PRKN: variants seen among roughly 807,000 people sequenced by gnomAD.
The protein encoded by PRKN is parkin RBR E3 ubiquitin protein ligase.
Under a neutral mutation model 59.5 loss-of-function variants are expected in PRKN, and 56 were observed. The observed-to-expected ratio is 0.94, with a 90% confidence interval of 0.76 to 1.18. The LOEUF is 1.18. PRKN is among the 50% of genes most tolerant of loss of function. The pLI, the probability that PRKN is intolerant of heterozygous loss-of-function variation, is 0.00. For synonymous variants in PRKN, 250 were observed against 222.1 expected (o/e 1.13, Z -1.12); for missense variants, 657 against 596.4 (o/e 1.10, Z -1.06).
intron 2 of PRKN, among the ~76,000 whole-genome samples, chr6:162,339,191 G>A (rs1437170551): frequency 6.7e-6 from 1 of 149,722 alleles, no homozygotes; most frequent in Non-Finnish European, 1.5e-5. Flanking sequence ...ACCCCATCTG[G>A]GAAGTGAGGA....
At chr6:161,668,230 TAA>T (rs1329462200) in intron 7 of PRKN, among the ~76,000 whole-genome samples, 1 of 114,460 alleles carries the variant, frequency 8.7e-6, no homozygotes. Flanking sequence ...AAACTCCCAT[TAA>T]AAAAAAAAAG....
intron 4 of PRKN, among the ~76,000 whole-genome samples, chr6:162,065,341 T>G (rs911902255): frequency 1.3e-5 from 2 of 152,012 alleles, no homozygotes; most frequent in African/African-American, 4.8e-5. Flanking sequence ...AATGAAAACA[T>G]CCAGCATGAA....
At position 161,499,123 on chromosome 6, in the gene PRKN, C is replaced by CAA. The variant is rs1191515049; in HGVS notation, c.1083+49730_1083+49731insTT. On this transcript the variant is annotated intron_variant, in intron 9 of 11. Coordinates refer to ENST00000366898, the MANE Select transcript of PRKN (RefSeq NM_004562.3). This position sits in a 1 kb window ranked among gnomAD's most constrained non-coding sequence, Gnocchi z 4.2. ...CTTGTGAGCAGGGTCTGGACACACA[C>CAA]ACACACACATTTTTTTTTTTTTTTT... 9.0e-6 allele frequency among the ~76,000 whole-genome samples: 1 copy of CAA among 111,640 alleles called. No individual in the cohort carries two copies. The highest frequency in any genetic ancestry group is 1.9e-5 in the Non-Finnish European group (1 of 52,664). The allele number at this position is 111,640 out of a possible 152,430, so 73.2% of individuals were successfully genotyped here.
At chr6:162,446,162 C>T (rs1210267901) in intron 1 of PRKN, among the ~76,000 whole-genome samples, 2 of 152,118 alleles carry the variant, frequency 1.3e-5, no homozygotes, top group African/African-American at 2.4e-5. Flanking sequence ...TTCACAGCAT[C>T]CTCAGATCAG....
intron 7 of PRKN, among the ~76,000 whole-genome samples, chr6:161,680,972 A>T (rs1263569578): frequency 1.3e-5 from 2 of 151,542 alleles, no homozygotes; most frequent in African/African-American, 2.4e-5. Flanking sequence ...TAAATTTTTT[A>T]TTTTTTGAGA....
rs185454973 is a variant in PRKN, at chr6:161,729,805, C to T, written c.871+55967G>A. 5.1e-4 allele frequency among the ~76,000 whole-genome samples: 78 copies of T among 152,292 alleles called. 1 individual carries two copies. The highest frequency in any genetic ancestry group is 7.3e-5 in the Non-Finnish European group (5 of 68,040). On this transcript the variant is annotated intron_variant, in intron 7 of 11. Transcript: ENST00000366898. ...TGCATTCTGACATGCTGCATTCTTC[C>T]TGATATGTTGCATATTCTGACATGT...
At chr6:161,811,653 T>C (rs1443194569) in intron 6 of PRKN, among the ~76,000 whole-genome samples, 2 of 152,190 alleles carry the variant, frequency 1.3e-5, no homozygotes, top group African/African-American at 4.8e-5. Flanking sequence ...CCGGGCACGG[T>C]GGCTCACACC....
rs1790480143 is a variant in PRKN, at chr6:161,466,432, T to C, written c.1084-79555A>G. 6.6e-6 allele frequency among the ~76,000 whole-genome samples: 1 copy of C among 152,230 alleles called. No individual in the cohort carries two copies. Among genetic ancestry groups the C allele is most frequent in the Non-Finnish European group, 1.5e-5 (1 of 68,044 alleles). ...TGTTCTTTTTGTTACGGTAGAAATC[T>C]AGAAAATAGTTTTATCATTTCTCCT... On this transcript the variant is annotated intron_variant, in intron 9 of 11. Transcript: ENST00000366898. This position sits in a 1 kb window ranked among gnomAD's most constrained non-coding sequence, Gnocchi z 5.0.
chr6:161,806,876 A>T (rs538508930), intron 6 of PRKN, among the ~76,000 whole-genome samples: 1 of 152,304 alleles, frequency 6.6e-6, no homozygotes, highest in South Asian at 2.1e-4. Context: ...ACGCAGGATC[A>T]ATTGAGAACA....
intron 9 of PRKN, among the ~76,000 whole-genome samples, chr6:161,404,987 T>C (rs962574973): frequency 2.6e-5 from 4 of 152,224 alleles, no homozygotes; most frequent in Non-Finnish European, 5.9e-5. Flanking sequence ...CTTCTCTTAC[T>C]GGGATGGTCT....
chr6:162,146,086 A>G (rs1010343445), intron 4 of PRKN, among the ~76,000 whole-genome samples: 11 of 152,186 alleles, frequency 7.2e-5, no homozygotes, highest in African/African-American at 1.9e-4. Flanking sequence ...TTTTGTTTCA[A>G]TTTAGTTCTA....
At chr6:162,297,181 T>C (rs945853742) in intron 2 of PRKN, among the ~76,000 whole-genome samples, 1 of 151,498 alleles carries the variant, frequency 6.6e-6, no homozygotes, top group African/African-American at 2.4e-5. Flanking sequence ...TTTCTTTTTT[T>C]TTTTTTTTGT....
chr6:161,853,775 G>A (rs1194341192), intron 6 of PRKN, among the ~76,000 whole-genome samples: 2 of 152,110 alleles, frequency 1.3e-5, no homozygotes, highest in Non-Finnish European at 2.9e-5. Context: ...AAGGAGAGAA[G>A]GCATGGGGCT....
In PRKN at chr6:162,407,085, C is replaced by G. The variant is rs114968775; in HGVS notation, c.171+36225G>C. 7.0e-3 allele frequency among the ~76,000 whole-genome samples: 1,067 copies of G among 152,232 alleles called. 13 individuals carry two copies. The highest frequency in any genetic ancestry group is 0.025 in the African/African-American group (1,019 of 41,540). ...AAATACCCCCATTTATATTCCCAGGCAGACTTTCCCTTGCCCACTTCCAAA... is the reference window on the plus strand; with the variant it reads ...AAATACCCCCATTTATATTCCCAGGGAGACTTTCCCTTGCCCACTTCCAAA... On this transcript the variant is annotated intron_variant, in intron 2 of 11. Coordinates refer to ENST00000366898, the MANE Select transcript of PRKN (RefSeq NM_004562.3).
Position 162,693,022 on chromosome 6 carries a change from C to G in PRKN, c.7+34640G>C, listed in dbSNP as rs573124603. Reference sequence around the variant, plus strand: ...CCAGATTTCAGCAGAAATAAATGCACAGAAAAAATAAGCCCATATAATTTG... The same window carrying G: ...CCAGATTTCAGCAGAAATAAATGCAGAGAAAAAATAAGCCCATATAATTTG... On this transcript the variant is annotated intron_variant, in intron 1 of 11. Coordinates refer to ENST00000366898, the MANE Select transcript of PRKN (RefSeq NM_004562.3). Among the ~76,000 whole-genome samples, 3 of 152,176 alleles carry G rather than the reference C, an allele frequency of 2.0e-5. No individual in the cohort carries two copies. In the East Asian group the frequency reaches 5.8e-4, roughly 29 times the overall value.
At chr6:161,734,181 C>T (rs923327358) in intron 7 of PRKN, among the ~76,000 whole-genome samples, 3 of 152,072 alleles carry the variant, frequency 2.0e-5, no homozygotes, top group Middle Eastern at 3.2e-3. Flanking sequence ...CCTCGGTTTT[C>T]CTGCAAATTT....
At chr6:161,426,715 G>GTTAT (rs942800961) in intron 9 of PRKN, among the ~76,000 whole-genome samples, 2 of 143,894 alleles carry the variant, frequency 1.4e-5, no homozygotes, top group African/African-American at 2.6e-5. Context: ...CCCTAATATA[G>GTTAT]TTATTTATTT....
chr6:162,153,932 G>C (rs1440714853), intron 4 of PRKN, among the ~76,000 whole-genome samples: 1 of 152,096 alleles, frequency 6.6e-6, no homozygotes. Flanking sequence ...TTGGTAAAAA[G>C]ACATTATTCA....
intron 1 of PRKN, among the ~76,000 whole-genome samples, chr6:162,674,296 CA>C (rs1779452681): frequency 1.3e-5 from 2 of 152,140 alleles, no homozygotes; most frequent in Non-Finnish European, 1.5e-5. Context: ...CAACATATAA[CA>C]GTGACTCAGG....
Sources: allele counts gnomAD v4.1 joint callset (sites outside exome capture counted in the v4.1 genomes callset), GRCh38; gene constraint gnomAD v4.1.1; non-coding constraint Gnocchi (gnomAD v3.1); transcripts MANE v1.5; gene names NCBI Gene and HGNC (gene_info 2026-07-23, HGNC 2026-07-21).